PRKG1: variants seen among roughly 807,000 people sequenced by gnomAD.
The protein encoded by PRKG1 is protein kinase cGMP-dependent 1.
Under a neutral mutation model 88.1 loss-of-function variants are expected in PRKG1, and 35 were observed. That is an observed-to-expected ratio of 0.40 (90% CI 0.30 to 0.53). The LOEUF (loss-of-function observed/expected upper bound fraction) is 0.53, where lower values mean the gene tolerates loss of function less well. Among genes scored for constraint, PRKG1 ranks in the 20% least tolerant of loss-of-function variants. The pLI is 0.59. For missense variants in PRKG1, 540 were observed against 839.8 expected, an observed-to-expected ratio of 0.64 and a Z score of 4.41; for synonymous variants, 303 against 292.5, an observed-to-expected ratio of 1.04 and a Z score of -0.37.
At chr10:51,589,054 T>C (rs1237786130) in intron 3 of PRKG1, among the ~76,000 whole-genome samples, 2 of 152,174 alleles carry the variant, frequency 1.3e-5, no homozygotes, top group Non-Finnish European at 2.9e-5. Flanking sequence ...GCTGTTGTTT[T>C]GTCTCGAAAC....
chr10:52,233,757 A>C (rs982749617), intron 9 of PRKG1, among the ~76,000 whole-genome samples: 92 of 148,794 alleles, frequency 6.2e-4, no homozygotes, highest in Admixed American at 1.6e-3. Context: ...GCCATTGCCC[A>C]GGCTTGCTTA....
At chr10:51,572,867 A>G (rs2132171028) in intron 3 of PRKG1, among the ~76,000 whole-genome samples, 1 of 151,958 alleles carries the variant, frequency 6.6e-6, no homozygotes, top group Middle Eastern at 3.4e-3. Context: ...TACTCTTTAG[A>G]ATTGAGGGGA....
At chr10:51,043,999 C>T (rs1053526607) in intron 1 of PRKG1, among the ~76,000 whole-genome samples, 2 of 152,158 alleles carry the variant, frequency 1.3e-5, no homozygotes, top group Non-Finnish European at 2.9e-5. Flanking sequence ...ATTGAATCCT[C>T]ATGATAACCC....
chr10:51,115,042 G>A (rs1845079494), intron 1 of PRKG1, among the ~76,000 whole-genome samples: 1 of 152,006 alleles, frequency 6.6e-6, no homozygotes, highest in South Asian at 2.1e-4. Context: ...AGAGGCCAGT[G>A]CAGTGGCTCA....
At chr10:51,944,524 CT>C (rs1842981966) in intron 5 of PRKG1, among the ~76,000 whole-genome samples, 1 of 151,926 alleles carries the variant, frequency 6.6e-6, no homozygotes, top group Admixed American at 6.6e-5. Context: ...TCTTACTTTT[CT>C]AGTTCTTTTA....
intron 7 of PRKG1, among the ~76,000 whole-genome samples, chr10:52,075,531 G>A (rs2133293862): frequency 6.6e-6 from 1 of 152,298 alleles, no homozygotes; most frequent in African/African-American, 2.4e-5. Flanking sequence ...AGGCAGTGTG[G>A]TATTGATATC....
At chr10:51,731,662 G>A (rs1277167473) in intron 3 of PRKG1, among the ~76,000 whole-genome samples, 1 of 152,190 alleles carries the variant, frequency 6.6e-6, no homozygotes, top group African/African-American at 2.4e-5. Context: ...TATGTAACCT[G>A]TATGCCTATG....
chr10:51,546,380 GTT>G (rs930969165), intron 3 of PRKG1, among the ~76,000 whole-genome samples: 1 of 151,978 alleles, frequency 6.6e-6, no homozygotes, highest in African/African-American at 2.4e-5. Flanking sequence ...AAAAATGATA[GTT>G]AAAAACTACA....
Position 52,093,435 on chromosome 10 carries a change from T to A in PRKG1, c.935+30804T>A, listed in dbSNP as rs1012288829. ...ATTTAGGTGCTCTGGCATTAATATT[T>A]TATGCAAAAGCAAATTGTTTTGAAA... On this transcript the variant is annotated intron_variant, in intron 7 of 17. Transcript: ENST00000373980. Among the ~76,000 whole-genome samples, 7 of 152,260 alleles carry A rather than the reference T, an allele frequency of 4.6e-5. No individual in the cohort carries two copies. In the East Asian group the frequency reaches 1.4e-3, roughly 29 times the overall value.
chr10:51,623,654 T>C (rs1839264379), intron 3 of PRKG1, among the ~76,000 whole-genome samples: 1 of 152,180 alleles, frequency 6.6e-6, no homozygotes, highest in South Asian at 2.1e-4. Context: ...GGAATAGTGA[T>C]ATACACAGAG....
At chr10:51,230,680 A>G (rs1160785710) in intron 2 of PRKG1, among the ~76,000 whole-genome samples, 1 of 152,202 alleles carries the variant, frequency 6.6e-6, no homozygotes, top group Non-Finnish European at 1.5e-5. Context: ...ACTTATGCAC[A>G]TCCTACCATA....
At chr10:51,812,577 G>T (rs1276326409) in intron 4 of PRKG1, among the ~76,000 whole-genome samples, 2 of 152,100 alleles carry the variant, frequency 1.3e-5, no homozygotes, top group Non-Finnish European at 2.9e-5. Context: ...CCACCAACGA[G>T]TGACCATGAC....
At chr10:51,339,718 G>A (rs1683849412) in intron 2 of PRKG1, among the ~76,000 whole-genome samples, 1 of 151,766 alleles carries the variant, frequency 6.6e-6, no homozygotes, top group Non-Finnish European at 1.5e-5. Context: ...ATCTTTGCAT[G>A]TAATTAAACA....
At chr10:51,264,620 C>T (rs966673650) in intron 2 of PRKG1, among the ~76,000 whole-genome samples, 4 of 152,004 alleles carry the variant, frequency 2.6e-5, no homozygotes, top group African/African-American at 4.8e-5. Flanking sequence ...TGGTAAGATT[C>T]CATAGCACTT....
chr10:52,256,517 G>T (rs1841311137), intron 10 of PRKG1, among the ~76,000 whole-genome samples: 1 of 139,288 alleles, frequency 7.2e-6, no homozygotes, highest in African/African-American at 2.5e-5. Flanking sequence ...GATAATAATA[G>T]GATATGTACC....
chr10:52,164,497 A>G (rs1172631717), intron 9 of PRKG1, among the ~76,000 whole-genome samples: 2 of 152,150 alleles, frequency 1.3e-5, no homozygotes, highest in African/African-American at 4.8e-5. Context: ...TTGGACAAGA[A>G]GTCTCTAATC....
chr10:51,386,137 G>A (rs770660159), intron 2 of PRKG1, among the ~76,000 whole-genome samples: 16 of 152,146 alleles, frequency 1.1e-4, no homozygotes, highest in Non-Finnish European at 1.9e-4. Context: ...CCAAGAGAAT[G>A]TTTCCTCTTG....
chr10:51,070,138 G>A (rs1292396317), upstream of PRKG1, among the ~76,000 whole-genome samples: 2 of 152,086 alleles, frequency 1.3e-5, no homozygotes, highest in African/African-American at 2.4e-5. Context: ...GTAATGAGGG[G>A]TAGGGGCCTC....
At chr10:51,735,869 ATATATATATATGTATATT>A (rs1229488662) in intron 3 of PRKG1, among the ~76,000 whole-genome samples, 1,736 of 117,962 alleles carry the variant, frequency 0.015, 40 homozygotes, top group African/African-American at 0.057. Context: ...ATATATATAT[ATATATATATATGTATATT>A]TATTTATTTA....
Sources: allele counts gnomAD v4.1 joint callset (sites outside exome capture counted in the v4.1 genomes callset), GRCh38; gene constraint gnomAD v4.1.1; transcripts MANE v1.5; gene names NCBI Gene and HGNC (gene_info 2026-07-23, HGNC 2026-07-21).